NCAM2: variants seen among roughly 807,000 people sequenced by gnomAD.
The protein encoded by NCAM2 is neural cell adhesion molecule 2.
NCAM2 carries 30 observed loss-of-function variants against 98.1 expected under a neutral mutation model. That is an observed-to-expected ratio of 0.31 (90% CI 0.23 to 0.41). The LOEUF is 0.41. Among genes scored for constraint, NCAM2 ranks in the 10% least tolerant of loss-of-function variants. The pLI is 1.00. For missense variants in NCAM2, 867 were observed against 1,005.8 expected (o/e 0.86, Z 1.87); for synonymous variants, 368 against 342.4 (o/e 1.07, Z -0.83).
At chr21:21,176,171 T>G (rs1292224669) in intron 1 of NCAM2, among the ~76,000 whole-genome samples, 1 of 152,180 alleles carries the variant, frequency 6.6e-6, no homozygotes, top group East Asian at 1.9e-4. Context: ...CTGTGAATTA[T>G]TGGAAGCACT....
intron 14 of NCAM2, among the ~76,000 whole-genome samples, chr21:21,474,098 G>A (rs1370999229): frequency 6.6e-6 from 1 of 151,776 alleles, no homozygotes; most frequent in East Asian, 1.9e-4. Flanking sequence ...TTCAACCTTT[G>A]TAAATTAGAC....
In NCAM2 at chr21:21,352,814, AG is replaced by A. The variant is rs1350172029; in HGVS notation, c.1044+14281del. 1.4e-3 allele frequency among the ~76,000 whole-genome samples: 202 copies of A among 144,188 alleles called. 2 individuals carry two copies. Among genetic ancestry groups the A allele is most frequent in the Admixed American group, 2.1e-3 (29 of 14,032 alleles). 94.6% of individuals were successfully genotyped at this position (144,188 alleles called of 152,430 possible). ...TAAAACTTAAAGTATAAAAAAAAAAAGATTAGAAAATTAAAAAAAAAAAAAA... is the reference window on the plus strand; with the variant it reads ...TAAAACTTAAAGTATAAAAAAAAAAAATTAGAAAATTAAAAAAAAAAAAAA... On this transcript the variant is annotated intron_variant, in intron 8 of 17. Transcript: ENST00000400546.
At chr21:21,474,001 A>G (rs1984825307) in intron 14 of NCAM2, among the ~76,000 whole-genome samples, 1 of 151,942 alleles carries the variant, frequency 6.6e-6, no homozygotes, top group Non-Finnish European at 1.5e-5. Context: ...TGGCTTATTA[A>G]TAATAGCCAT....
At chr21:21,402,059 T>A (rs981481537) in intron 9 of NCAM2, among the ~76,000 whole-genome samples, 1 of 152,138 alleles carries the variant, frequency 6.6e-6, no homozygotes, top group African/African-American at 2.4e-5. Flanking sequence ...TACAAATTGA[T>A]TGTAAAACAT....
intron 1 of NCAM2, among the ~76,000 whole-genome samples, chr21:21,112,273 A>G (rs986542400): frequency 6.6e-6 from 1 of 152,030 alleles, no homozygotes; most frequent in African/African-American, 2.4e-5. Context: ...TCTCTGAGAC[A>G]TATTTTGCTT....
chr21:21,128,618 T>C (rs2826664), intron 1 of NCAM2, among the ~76,000 whole-genome samples: 45,407 of 152,024 alleles, frequency 0.3, 7,073 homozygotes, highest in East Asian at 0.42. Context: ...TAATGATTTA[T>C]TGATCTTCTG....
intron 1 of NCAM2, among the ~76,000 whole-genome samples, chr21:21,033,695 T>C (rs1199783195): frequency 3.3e-5 from 5 of 152,174 alleles, no homozygotes; most frequent in Non-Finnish European, 7.4e-5. Context: ...ATGTCTCAGA[T>C]TATCTCAGAG....
chr21:21,529,902 G>T (rs1408196960), intron 16 of NCAM2, among the ~76,000 whole-genome samples: 1 of 150,566 alleles, frequency 6.6e-6, no homozygotes, highest in Non-Finnish European at 1.5e-5. Flanking sequence ...CATTTGACAG[G>T]GGCAGAATGC....
rs1601553092 is a variant in NCAM2 at position 21,169,128 on chromosome 21, G to C, written c.56-111450G>C. Reference sequence around the variant, plus strand: ...AAACCGAGTAGAGATTCCAGAAGTAGACCCACATCATTATAGTCAGCTGAT... The same window carrying C: ...AAACCGAGTAGAGATTCCAGAAGTACACCCACATCATTATAGTCAGCTGAT... On this transcript the variant is annotated intron_variant, in intron 1 of 17. Transcript: ENST00000400546. 2.6e-5 allele frequency among the ~76,000 whole-genome samples: 4 copies of C among 152,158 alleles called. No homozygotes were observed. The South Asian group carries it at 8.3e-4, about 32-fold the overall frequency.
chr21:21,445,759 G>C (rs540492976), intron 12 of NCAM2, among the ~76,000 whole-genome samples: 4 of 152,112 alleles, frequency 2.6e-5, no homozygotes, highest in African/African-American at 9.6e-5. Flanking sequence ...ACACACTGAT[G>C]GGTCTTGACT....
chr21:21,299,561 T>TTCTC (rs904415551), intron 5 of NCAM2, among the ~76,000 whole-genome samples: 1 of 150,306 alleles, frequency 6.7e-6, no homozygotes, highest in East Asian at 2.0e-4. Context: ...TAAAATGTGA[T>TTCTC]TCTCTCTCTC....
rs375800124 is a variant in NCAM2, at chr21:21,182,921, A to G, written c.56-97657A>G. Among the ~76,000 whole-genome samples the G allele has an allele frequency of 1.2e-4, 18 of 152,286 alleles. No individual in the cohort carries two copies. The South Asian group carries it at 3.7e-3, about 32-fold the overall frequency. ...TGCTCTTCTGTGAGACAAAATAAATAGTCCAGCAAAAGTAAGATAATTTGA... is the reference window on the plus strand; with the variant it reads ...TGCTCTTCTGTGAGACAAAATAAATGGTCCAGCAAAAGTAAGATAATTTGA... On this transcript the variant is annotated intron_variant, in intron 1 of 17. Transcript: ENST00000400546.
chr21:21,230,063 G>A (rs1036486264), intron 1 of NCAM2, among the ~76,000 whole-genome samples: 7 of 151,002 alleles, frequency 4.6e-5, no homozygotes, highest in African/African-American at 9.7e-5. Flanking sequence ...AGTAATCTTA[G>A]GCATATAAAT....
At chr21:21,336,836 G>A (rs912056667) in intron 7 of NCAM2, among the ~76,000 whole-genome samples, 3 of 152,160 alleles carry the variant, frequency 2.0e-5, no homozygotes, top group African/African-American at 4.8e-5. Flanking sequence ...GATAAATCAG[G>A]AAGCATTGAA....
At chr21:21,167,126 G>A (rs940024829) in intron 1 of NCAM2, among the ~76,000 whole-genome samples, 2 of 151,842 alleles carry the variant, frequency 1.3e-5, no homozygotes, top group Admixed American at 6.6e-5. Context: ...TGTGTTTTGG[G>A]GGTGATCTGG....
At chr21:21,312,671 T>C (rs900130234) in intron 5 of NCAM2, among the ~76,000 whole-genome samples, 2 of 151,722 alleles carry the variant, frequency 1.3e-5, no homozygotes, top group African/African-American at 4.8e-5. Flanking sequence ...TATTGGTATG[T>C]AGGTTTATTT....
Position 21,537,943 on chromosome 21 carries a change from G to A in NCAM2, c.2500G>A (p.Asp834Asn), listed in dbSNP as rs1169950337. Residue 834 changes from aspartate (D) to asparagine (N), a missense_variant, in exon 18 of 18, where the codon GAC becomes AAC. This residue lies in a region of NCAM2 where 125 missense variants were observed against 116.1 expected (regional missense o/e 1.08). Coordinates refer to ENST00000400546, the MANE Select transcript of NCAM2 (RefSeq NM_004540.5). ...SNDIIQSKED[D>N]SKA is the part of the protein sequence containing the mutation. ...CGACATCATTCAATCAAAAGAAGAC[G>A]ACAGCAAAGCATAACAACAATATTA... is the stretch of plus-strand genomic sequence containing the variant. The A allele has an allele frequency of 1.2e-5, 18 of 1,545,648 alleles. No homozygotes were observed. Among genetic ancestry groups the A allele is most frequent in the East Asian group, 9.2e-5 (4 of 43,366 alleles).
intron 1 of NCAM2, among the ~76,000 whole-genome samples, chr21:21,251,671 C>G (rs896495100): frequency 6.6e-6 from 1 of 151,396 alleles, no homozygotes; most frequent in African/African-American, 2.4e-5. Flanking sequence ...AGTGGTATTT[C>G]TGGTTCTAGA....
chr21:21,061,021 T>A (rs777660266), intron 1 of NCAM2, among the ~76,000 whole-genome samples: 9 of 152,098 alleles, frequency 5.9e-5, no homozygotes, highest in Non-Finnish European at 1.0e-4. Context: ...TTTTTTCCTC[T>A]CTCTTTAAGG....
Sources: allele counts gnomAD v4.1 joint callset (sites outside exome capture counted in the v4.1 genomes callset), GRCh38; gene constraint gnomAD v4.1.1; regional missense constraint gnomAD v4.1.1; transcripts MANE v1.5; gene names NCBI Gene and HGNC (gene_info 2026-07-23, HGNC 2026-07-21).